The following RNLS variants were observed in gnomAD, a reference collection of about 807,000 sequenced individuals.
The protein encoded by RNLS is renalase.
Under a neutral mutation model 39.8 loss-of-function variants are expected in RNLS, and 39 were observed. The observed-to-expected ratio is 0.98, with a 90% CI of 0.76 to 1.28. The LOEUF (loss-of-function observed/expected upper bound fraction) is 1.28, where lower values mean the gene tolerates loss of function less well. Ranked by LOEUF, RNLS falls within the 50% of genes most tolerant of loss-of-function variation. The probability of loss-of-function intolerance (pLI) is 0.00; values close to 1 mark genes in which losing one functional copy is unlikely to be tolerated. For missense variants in RNLS, 410 were observed against 413.3 expected (o/e 0.99, Z 0.07); for synonymous variants, 147 against 150.7 (o/e 0.98, Z 0.18).
intron 6 of RNLS, among the ~76,000 whole-genome samples, chr10:88,275,571 T>C (rs552144952): frequency 3.3e-5 from 5 of 152,236 alleles, no homozygotes; most frequent in African/African-American, 1.2e-4. Context: ...GAGTGTACAG[T>C]AGTAAAAATC....
intron 4 of RNLS, among the ~76,000 whole-genome samples, chr10:88,543,901 T>C (rs562793337): frequency 2.0e-5 from 3 of 152,314 alleles, no homozygotes; most frequent in South Asian, 2.1e-4. Context: ...GAGATCTTAG[T>C]AATCTGACTA....
At chr10:88,506,659 A>G (rs1316338326) in intron 4 of RNLS, among the ~76,000 whole-genome samples, 1 of 152,052 alleles carries the variant, frequency 6.6e-6, no homozygotes, top group Non-Finnish European at 1.5e-5. Flanking sequence ...AAGGCAAAAG[A>G]TGTCTTTTTT....
intron 6 of RNLS, among the ~76,000 whole-genome samples, chr10:88,290,804 G>A (rs1485173043): frequency 1.3e-5 from 2 of 152,138 alleles, no homozygotes; most frequent in Admixed American, 6.6e-5. Flanking sequence ...CACTGGCAAT[G>A]TGGCATTTCT....
chr10:88,470,032 T>G (rs2477957), intron 4 of RNLS, among the ~76,000 whole-genome samples: 73,528 of 151,696 alleles, frequency 0.48, 18,673 homozygotes, highest in East Asian at 0.57. Context: ...CTCTTTATTT[T>G]CATAAATGAA....
chr10:88,458,264 G>A (rs1344566480), intron 4 of RNLS, among the ~76,000 whole-genome samples: 1 of 152,186 alleles, frequency 6.6e-6, no homozygotes. Context: ...GAACATGTGT[G>A]GCAGAAGCAT....
intron 4 of RNLS, among the ~76,000 whole-genome samples, chr10:88,397,882 T>C (rs1285103444): frequency 1.3e-5 from 2 of 151,840 alleles, no homozygotes; most frequent in East Asian, 1.9e-4. Context: ...GGCCATAAGG[T>C]AGACATCTAG....
intron 5 of RNLS, among the ~76,000 whole-genome samples, chr10:88,349,148 T>C (rs1848504484): frequency 6.6e-6 from 1 of 152,166 alleles, no homozygotes; most frequent in African/African-American, 2.4e-5. Flanking sequence ...AAGACACAAA[T>C]ATTTGGGAGT....
At chr10:88,324,505 C>T (rs982585968) in intron 5 of RNLS, among the ~76,000 whole-genome samples, 3 of 149,922 alleles carry the variant, frequency 2.0e-5, no homozygotes, top group African/African-American at 4.9e-5. Flanking sequence ...TCAATGGGTA[C>T]ACATGATATA....
chr10:88,548,895 T>C (rs1203520926), intron 4 of RNLS, among the ~76,000 whole-genome samples: 1 of 152,076 alleles, frequency 6.6e-6, no homozygotes, highest in Non-Finnish European at 1.5e-5. Flanking sequence ...TGAATTTAGA[T>C]ATGCTGACAC....
intron 2 of RNLS, 146 bp from the exon 3 acceptor site, chr10:88,581,855 T>C (rs1850588119): frequency 3.6e-6 from 2 of 560,688 alleles, no homozygotes; most frequent in Non-Finnish European, 5.8e-6. Context: ...TTAAATAAAA[T>C]GTATAATTTG....
At chr10:88,261,571 T>A in the RNLS span, among the ~76,000 whole-genome samples, 3 of 152,216 alleles carry the variant, frequency 2.0e-5, no homozygotes, top group East Asian at 3.9e-4. Context: ...TCTGCTTAAA[T>A]TTCATCCATC....
chr10:88,361,258 T>C (rs1849617644), intron 5 of RNLS, among the ~76,000 whole-genome samples: 2 of 152,210 alleles, frequency 1.3e-5, no homozygotes, highest in Non-Finnish European at 2.9e-5. Flanking sequence ...TACAACCATA[T>C]TGGGATTAGG....
the RNLS span, among the ~76,000 whole-genome samples, chr10:88,206,266 A>G: frequency 2.0e-5 from 3 of 152,198 alleles, no homozygotes; most frequent in Admixed American, 6.5e-5. Flanking sequence ...TTTAAAAACC[A>G]TTCCTGTGAG....
intron 5 of RNLS, among the ~76,000 whole-genome samples, chr10:88,329,054 C>T (rs1846872827): frequency 6.6e-6 from 1 of 151,154 alleles, no homozygotes; most frequent in African/African-American, 2.4e-5. Context: ...TCTTTTGAGA[C>T]TGTTAGGAAG....
intron 4 of RNLS, among the ~76,000 whole-genome samples, chr10:88,556,409 C>T (rs1848879439): frequency 6.6e-6 from 1 of 152,196 alleles, no homozygotes; most frequent in South Asian, 2.1e-4. Flanking sequence ...AACATCAGTT[C>T]ATCTGGTCAT....
intron 6 of RNLS, among the ~76,000 whole-genome samples, chr10:88,294,933 C>A (rs1183468252): frequency 6.6e-6 from 1 of 151,946 alleles, no homozygotes; most frequent in Non-Finnish European, 1.5e-5. Flanking sequence ...TCCGCCCCCA[C>A]CCTCCAAATA....
At chr10:88,231,942 CTGTGTGTG>C in the RNLS span, among the ~76,000 whole-genome samples, 3 of 149,668 alleles carry the variant, frequency 2.0e-5, no homozygotes, top group African/African-American at 7.4e-5. Flanking sequence ...CACAGGATTT[CTGTGTGTG>C]TGTGTGTGTG....
chr10:88,323,161 A>T (rs1025139715), intron 5 of RNLS, among the ~76,000 whole-genome samples: 1 of 152,226 alleles, frequency 6.6e-6, no homozygotes, highest in African/African-American at 2.4e-5. Context: ...AAAACATCCC[A>T]TGCTCATACA....
At chr10:88,244,352 G>A in the RNLS span, among the ~76,000 whole-genome samples, 1 of 152,174 alleles carries the variant, frequency 6.6e-6, no homozygotes, top group Admixed American at 6.5e-5. Flanking sequence ...GACAGGCACC[G>A]GGGGGCTTAT....
Sources: allele counts gnomAD v4.1 joint callset (sites outside exome capture counted in the v4.1 genomes callset), GRCh38; gene constraint gnomAD v4.1.1; transcripts MANE v1.5; gene names NCBI Gene and HGNC (gene_info 2026-07-23, HGNC 2026-07-21).